SLC12A8: variants seen among roughly 807,000 people sequenced by gnomAD.
SLC12A8 encodes solute carrier family 12 member 8, also known as cation-chloride cotransporter 9.
A neutral mutation model predicts 75.6 loss-of-function variants in SLC12A8; 69 were observed. The observed-to-expected ratio is 0.91, with a 90% CI of 0.75 to 1.11. The LOEUF (loss-of-function observed/expected upper bound fraction) is 1.11, where lower values mean the gene tolerates loss of function less well. Ranked by LOEUF, SLC12A8 falls within the 50% of genes most tolerant of loss-of-function variation. The probability of loss-of-function intolerance (pLI) is 0.00; values close to 1 mark genes in which losing one functional copy is unlikely to be tolerated. For missense variants in SLC12A8, 877 were observed against 896.7 expected (o/e 0.98, Z 0.28); for synonymous variants, 365 against 372.8 (o/e 0.98, Z 0.24).
intron 5 of SLC12A8, among the ~76,000 whole-genome samples, chr3:125,164,482 G>A (rs1934244782): frequency 6.6e-6 from 1 of 152,208 alleles, no homozygotes; most frequent in African/African-American, 2.4e-5. Context: ...CAACTAAGCA[G>A]GTGTTTGCTG....
chr3:125,109,470 G>A (rs529293248), intron 9 of SLC12A8, among the ~76,000 whole-genome samples: 3 of 152,328 alleles, frequency 2.0e-5, no homozygotes, highest in South Asian at 2.1e-4. Context: ...AAGTTGCAAC[G>A]ATGTGTTCCC....
At chr3:125,116,114 G>A (rs1423737800) in intron 8 of SLC12A8, among the ~76,000 whole-genome samples, 1 of 152,228 alleles carries the variant, frequency 6.6e-6, no homozygotes. Context: ...ACACCAGTGA[G>A]CAGGAAAGCA....
chr3:125,202,913 C>T (rs1454675310), intron 2 of SLC12A8, among the ~76,000 whole-genome samples: 1 of 151,742 alleles, frequency 6.6e-6, no homozygotes, highest in Admixed American at 6.6e-5. Flanking sequence ...CATGGTGAAA[C>T]CCCGTCTCTA....
intron 2 of SLC12A8, among the ~76,000 whole-genome samples, chr3:125,207,080 A>T (rs964938984): frequency 6.6e-6 from 1 of 152,162 alleles, no homozygotes; most frequent in Non-Finnish European, 1.5e-5. Context: ...GGGACGCTGT[A>T]CAAGAAGACG....
At chr3:125,121,978 TAA>T (rs1301309169) in intron 6 of SLC12A8, among the ~76,000 whole-genome samples, 7 of 152,234 alleles carry the variant, frequency 4.6e-5, no homozygotes, top group Non-Finnish European at 1.0e-4. Context: ...AGCGTGTTTA[TAA>T]ACGCTTGTTT....
intron 2 of SLC12A8, 127 bp downstream of exon 2, chr3:125,211,172 G>A (rs935542988): frequency 1.5e-5 from 12 of 791,586 alleles, no homozygotes; most frequent in Admixed American, 5.4e-5. Context: ...TGAACTGGAT[G>A]ACCAAAATAG....
chr3:125,147,324 C>T (rs1038074964), intron 5 of SLC12A8, among the ~76,000 whole-genome samples: 23 of 152,224 alleles, frequency 1.5e-4, no homozygotes, highest in Non-Finnish European at 1.9e-4. Context: ...TATCACCTGA[C>T]CTTGCAGCTT....
intron 12 of SLC12A8, among the ~76,000 whole-genome samples, chr3:125,090,503 A>C (rs1391991189): frequency 6.6e-6 from 1 of 152,216 alleles, no homozygotes; most frequent in Non-Finnish European, 1.5e-5. Context: ...ATCAATTATT[A>C]GGAAGGAGGT....
chr3:125,110,516 T>G, intron 8 of SLC12A8, 181 bp from the exon 9 acceptor site: 1 of 529,612 alleles, frequency 1.9e-6, no homozygotes, highest in Non-Finnish European at 3.3e-6. Context: ...TTCAGCTGAA[T>G]CCACCACCAC....
intron 7 of SLC12A8, chr3:125,119,743 T>C (rs1185559744): frequency 2.2e-5 from 9 of 410,346 alleles, no homozygotes; most frequent in Non-Finnish European, 1.0e-5. Flanking sequence ...TAAGAACAAA[T>C]TCAGTGTTTG....
At chr3:125,146,708 G>A (rs1413082166) in intron 5 of SLC12A8, among the ~76,000 whole-genome samples, 2 of 152,302 alleles carry the variant, frequency 1.3e-5, no homozygotes, top group South Asian at 2.1e-4. Context: ...GCATGATCAC[G>A]GCTCACTGCA....
At chr3:125,172,412 G>A (rs1274831306) in intron 5 of SLC12A8, among the ~76,000 whole-genome samples, 1 of 151,744 alleles carries the variant, frequency 6.6e-6, no homozygotes, top group East Asian at 1.9e-4. Context: ...TACTAAAACA[G>A]CTCTCAGGAA....
chr3:125,115,719 G>T (rs1386888533), intron 8 of SLC12A8, among the ~76,000 whole-genome samples: 1 of 152,030 alleles, frequency 6.6e-6, no homozygotes, highest in Admixed American at 6.6e-5. Context: ...CTGGCAGAAA[G>T]CCCCCGAGAG....
Position 125,092,094 on chromosome 3 carries a change from TACTC to T in SLC12A8, c.1803+3_1803+6del, listed in dbSNP as rs1226691422. The T allele has an allele frequency of 2.5e-6, 4 of 1,595,280 alleles. No homozygotes were observed. Among genetic ancestry groups the T allele is most frequent in the Non-Finnish European group, 3.4e-6 (4 of 1,163,694 alleles). On this transcript the variant is annotated splice_donor_5th_base_variant and intron_variant, in intron 11 of 13. Transcript: ENST00000469902. The stretch of plus-strand genomic sequence containing the variant: ...AGAACAACTGAGATCAAGATGAAGT[TACTC>T]ACCCCCAACAGGGAGACCCAGGGGT...
At chr3:125,182,723 G>T (rs1470655523) in intron 4 of SLC12A8, among the ~76,000 whole-genome samples, 1 of 152,116 alleles carries the variant, frequency 6.6e-6, no homozygotes, top group East Asian at 1.9e-4. Flanking sequence ...GGTCAGGCTG[G>T]TCTCGAACTC....
chr3:125,090,229 A>G (rs1426834042), intron 12 of SLC12A8, among the ~76,000 whole-genome samples: 1 of 152,106 alleles, frequency 6.6e-6, no homozygotes, highest in East Asian at 1.9e-4. Flanking sequence ...ATTTTCTGAT[A>G]TCTTTCTGTT....
intron 3 of SLC12A8, among the ~76,000 whole-genome samples, chr3:125,188,295 G>C (rs1310031323): frequency 1.3e-5 from 2 of 152,228 alleles, no homozygotes; most frequent in African/African-American, 2.4e-5. Flanking sequence ...GCCTCACCAA[G>C]TGCAGATGCT....
intron 2 of SLC12A8, among the ~76,000 whole-genome samples, chr3:125,204,479 C>T (rs1032528232): frequency 1.3e-5 from 2 of 152,074 alleles, no homozygotes; most frequent in Non-Finnish European, 2.9e-5. Flanking sequence ...TAACCAGGAA[C>T]AGAAAGACAG....
rs776564193 is a variant in SLC12A8, at chr3:125,083,942, C to G, written c.2093G>C (p.Arg698Pro). 2.5e-6 allele frequency: 4 copies of G among 1,613,522 alleles called. No homozygotes were observed. In the East Asian group the frequency reaches 6.7e-5, roughly 27 times the overall value. The change falls in exon 14 of 14, where the codon CGC (arginine) becomes CCC (proline). Residue 698 changes from arginine to proline, a missense_variant. Transcript: ENST00000469902. ...QENADFATRD[R>P]YHHSSLVNRE... is the part of the protein sequence containing the mutation. ...GTTCACGAGGGAGGAGTGGTGGTAG[C>G]GATCCCGAGTGGCGAAGTCTGCATT...
Sources: gnomAD v4.1 joint callset for allele counts (sites outside exome capture counted in the v4.1 genomes callset) on GRCh38, gnomAD v4.1.1 for gene constraint, MANE v1.5 for transcripts, NCBI Gene and HGNC (gene_info 2026-07-23, HGNC 2026-07-21) for gene names.